RBMS3: variants seen among roughly 807,000 people sequenced by gnomAD.
RBMS3 encodes RNA binding motif single stranded interacting protein 3.
A neutral mutation model predicts 66.8 loss-of-function variants in RBMS3; 27 were observed. The ratio of observed to expected loss-of-function variants is 0.40; its 90% CI spans 0.30 to 0.56. The LOEUF is 0.56. Among genes scored for constraint, RBMS3 ranks in the 20% least tolerant of loss-of-function variants. RBMS3 has a pLI of 0.40. For missense variants in RBMS3, 513 were observed against 549.5 expected (o/e 0.93, Z 0.66); for synonymous variants, 188 against 183.0 (o/e 1.03, Z -0.22).
chr3:29,984,954 A>G (rs1203683409), intron 12 of RBMS3, among the ~76,000 whole-genome samples: 2 of 152,184 alleles, frequency 1.3e-5, no homozygotes, highest in Non-Finnish European at 2.9e-5. Context: ...TGCTCTCTTC[A>G]GAGCCAGCAG....
chr3:29,628,773 G>T (rs957876626), intron 4 of RBMS3, among the ~76,000 whole-genome samples: 4 of 151,998 alleles, frequency 2.6e-5, no homozygotes, highest in African/African-American at 7.3e-5. Context: ...ATTTATTTAG[G>T]TATAGATTTT....
At chr3:29,778,008 T>C (rs1485576087) in intron 6 of RBMS3, among the ~76,000 whole-genome samples, 1 of 151,846 alleles carries the variant, frequency 6.6e-6, no homozygotes, top group Non-Finnish European at 1.5e-5. Flanking sequence ...TCTGATGGCT[T>C]AGTGAAGTCC....
chr3:29,505,515 T>G (rs201664300), intron 3 of RBMS3, among the ~76,000 whole-genome samples: 3,205 of 119,170 alleles, frequency 0.027, 62 homozygotes, highest in Admixed American at 0.067. Context: ...TGTTTTTTTT[T>G]TTTGTTGTTT....
chr3:29,459,269 G>A (rs182195002), intron 2 of RBMS3, among the ~76,000 whole-genome samples: 2 of 152,284 alleles, frequency 1.3e-5, no homozygotes, highest in Admixed American at 1.3e-4. Context: ...TGGTTTTACA[G>A]TTTAATAGCA....
At chr3:29,856,506 C>T (rs751563740) in intron 6 of RBMS3, among the ~76,000 whole-genome samples, 3 of 151,988 alleles carry the variant, frequency 2.0e-5, no homozygotes, top group Non-Finnish European at 2.9e-5. Context: ...GGACGTTATC[C>T]GATAGGTGGG....
At chr3:29,994,881 G>A (rs932384758) in intron 14 of RBMS3, among the ~76,000 whole-genome samples, 1 of 152,208 alleles carries the variant, frequency 6.6e-6, no homozygotes, top group African/African-American at 2.4e-5. Flanking sequence ...CTCCTCCAAA[G>A]GAACGCAGTT....
chr3:29,915,845 G>T (rs149450723), intron 10 of RBMS3, among the ~76,000 whole-genome samples: 14 of 151,982 alleles, frequency 9.2e-5, no homozygotes, highest in Non-Finnish European at 4.4e-5. Context: ...AGCAAGAAAC[G>T]TAATTCTGCA....
intron 4 of RBMS3, among the ~76,000 whole-genome samples, chr3:29,680,286 A>T (rs780554485): frequency 3.8e-4 from 58 of 152,230 alleles, no homozygotes; most frequent in African/African-American, 1.2e-3. Context: ...CATTTGAGTG[A>T]TGTTTTGCCT....
At position 29,305,365 on chromosome 3, in the gene RBMS3, A is replaced by G. The variant is rs183242090; in HGVS notation, c.75+23609A>G. Among the ~76,000 whole-genome samples, 161 of 152,006 alleles carry G rather than the reference A, an allele frequency of 1.1e-3. 1 individual carries two copies. The highest frequency in any genetic ancestry group is 3.7e-3 in the African/African-American group (154 of 41,490). On this transcript the variant is annotated intron_variant, in intron 1 of 14. Transcript: ENST00000383767. Reference sequence around the variant, plus strand: ...TAAGGTCTACAAGAGCAGATATCTGATCTATTACATTCTTTGTTGTATCCC... The same window carrying G: ...TAAGGTCTACAAGAGCAGATATCTGGTCTATTACATTCTTTGTTGTATCCC...
intron 12 of RBMS3, among the ~76,000 whole-genome samples, chr3:29,980,806 C>A (rs564662538): frequency 6.6e-6 from 1 of 152,220 alleles, no homozygotes; most frequent in Non-Finnish European, 1.5e-5. Context: ...GTTTTGGTAC[C>A]AGTACTGTGC....
intron 2 of RBMS3, among the ~76,000 whole-genome samples, chr3:29,478,858 A>G (rs1347773): frequency 0.095 from 14,516 of 152,276 alleles, 859 homozygotes; most frequent in East Asian, 0.16. Flanking sequence ...AAGTTTCTTT[A>G]GAAGGAAGTT....
At chr3:29,649,768 T>C (rs1369556966) in intron 4 of RBMS3, among the ~76,000 whole-genome samples, 1 of 152,248 alleles carries the variant, frequency 6.6e-6, no homozygotes, top group Non-Finnish European at 1.5e-5. Context: ...ACATTTTTAC[T>C]ATCTTTTATG....
At chr3:29,960,700 G>A (rs945411831) in intron 12 of RBMS3, among the ~76,000 whole-genome samples, 1 of 152,088 alleles carries the variant, frequency 6.6e-6, no homozygotes, top group African/African-American at 2.4e-5. Flanking sequence ...TTCTTGACTT[G>A]TGTGCACCTG....
At chr3:29,723,147 T>A (rs2053716710) in intron 4 of RBMS3, among the ~76,000 whole-genome samples, 1 of 151,714 alleles carries the variant, frequency 6.6e-6, no homozygotes, top group Non-Finnish European at 1.5e-5. Context: ...GGCTAATTTT[T>A]TGTATTTTTA....
intron 4 of RBMS3, among the ~76,000 whole-genome samples, chr3:29,676,408 A>C (rs547045745): frequency 6.6e-6 from 1 of 152,362 alleles, no homozygotes; most frequent in East Asian, 1.9e-4. Context: ...CATGTACCCT[A>C]GAACTTAAAG....
chr3:29,947,107 T>C (rs1197990641), intron 12 of RBMS3, among the ~76,000 whole-genome samples: 1 of 151,532 alleles, frequency 6.6e-6, no homozygotes, highest in African/African-American at 2.4e-5. Flanking sequence ...CAATGAGATG[T>C]ACTAACTACA....
intron 4 of RBMS3, among the ~76,000 whole-genome samples, chr3:29,658,652 A>G (rs1323389004): frequency 1.3e-5 from 2 of 152,248 alleles, no homozygotes; most frequent in Non-Finnish European, 2.9e-5. Flanking sequence ...CTGAGGAACA[A>G]AAGAAGTTAT....
At chr3:29,438,314 TA>T (rs1186242720) in intron 2 of RBMS3, among the ~76,000 whole-genome samples, 3 of 152,094 alleles carry the variant, frequency 2.0e-5, no homozygotes, top group Non-Finnish European at 2.9e-5. Context: ...TCCATTGTAA[TA>T]AAATAATAGA....
chr3:29,474,342 T>A (rs1042693084), intron 2 of RBMS3, among the ~76,000 whole-genome samples: 1 of 152,242 alleles, frequency 6.6e-6, no homozygotes, highest in Non-Finnish European at 1.5e-5. Context: ...TAATAAGCAT[T>A]TGGGTAGTTT....
Sources: allele counts gnomAD v4.1 joint callset (sites outside exome capture counted in the v4.1 genomes callset), GRCh38; gene constraint gnomAD v4.1.1; transcripts MANE v1.5; gene names NCBI Gene and HGNC (gene_info 2026-07-23, HGNC 2026-07-21).